The following CTNNA3 variants were observed in gnomAD, a reference collection of about 807,000 sequenced individuals.
CTNNA3 encodes the protein catenin alpha 3.
A neutral mutation model predicts 95.7 loss-of-function variants in CTNNA3; 76 were observed. The ratio of observed to expected loss-of-function variants is 0.79; its 90% CI spans 0.66 to 0.96. The LOEUF (loss-of-function observed/expected upper bound fraction) is 0.96. CTNNA3 is among the 40% of genes least tolerant of loss of function. The pLI is 0.00. For missense variants in CTNNA3, 1,191 were observed against 1,089.8 expected, an observed-to-expected ratio of 1.09 and a Z score of -1.31; for synonymous variants, 431 against 374.4, an observed-to-expected ratio of 1.15 and a Z score of -1.74.
intron 1 of CTNNA3, among the ~76,000 whole-genome samples, chr10:67,701,401 A>G (rs1489065111): frequency 6.6e-6 from 1 of 152,222 alleles, no homozygotes; most frequent in Admixed American, 6.5e-5. Flanking sequence ...CACAAAGGGA[A>G]GTCCATCAGA....
intron 5 of CTNNA3, among the ~76,000 whole-genome samples, chr10:67,300,133 GC>G (rs1840207552): frequency 6.6e-6 from 1 of 152,104 alleles, no homozygotes; most frequent in Non-Finnish European, 1.5e-5. Flanking sequence ...GTTTTAGCAA[GC>G]CCCCAACATA....
At chr10:66,796,030 T>C (rs183613507) in intron 7 of CTNNA3, among the ~76,000 whole-genome samples, 2 of 152,240 alleles carry the variant, frequency 1.3e-5, no homozygotes, top group Admixed American at 1.3e-4. Flanking sequence ...TCTAAAACTG[T>C]CCTCATATCA....
chr10:66,200,229 G>A (rs953603596), intron 13 of CTNNA3, among the ~76,000 whole-genome samples: 1 of 140,666 alleles, frequency 7.1e-6, no homozygotes, highest in African/African-American at 2.6e-5. Context: ...GGAAGGGAAG[G>A]TAAGGGAAGG....
At chr10:66,475,404 A>G (rs1839287772) in intron 11 of CTNNA3, among the ~76,000 whole-genome samples, 1 of 152,022 alleles carries the variant, frequency 6.6e-6, no homozygotes, top group Non-Finnish European at 1.5e-5. Context: ...TAGACTCTGG[A>G]TATTAGACCT....
At chr10:66,277,508 G>A (rs2091420400) in intron 13 of CTNNA3, among the ~76,000 whole-genome samples, 1 of 152,098 alleles carries the variant, frequency 6.6e-6, no homozygotes, top group Non-Finnish European at 1.5e-5. Flanking sequence ...GATTATACCA[G>A]ATCAAGTTTA....
At chr10:66,148,644 G>A (rs189866262) in intron 13 of CTNNA3, among the ~76,000 whole-genome samples, 1 of 152,156 alleles carries the variant, frequency 6.6e-6, no homozygotes, top group Non-Finnish European at 1.5e-5. Context: ...GAAGCAGGGA[G>A]AGAGCCCTCA....
chr10:66,852,590 A>C (rs1374011126), intron 7 of CTNNA3, among the ~76,000 whole-genome samples: 1 of 152,190 alleles, frequency 6.6e-6, no homozygotes, highest in East Asian at 1.9e-4. Flanking sequence ...TTGCAGTGAC[A>C]TAATATAAGC....
At chr10:66,875,571 A>T (rs1277930711) in intron 7 of CTNNA3, among the ~76,000 whole-genome samples, 1 of 152,128 alleles carries the variant, frequency 6.6e-6, no homozygotes, top group African/African-American at 2.4e-5. Flanking sequence ...TCAATCCAAC[A>T]TCTTAATTAT....
At chr10:67,731,718 C>T (rs1589584019) in intron 1 of CTNNA3, among the ~76,000 whole-genome samples, 1 of 146,764 alleles carries the variant, frequency 6.8e-6, no homozygotes, top group African/African-American at 2.5e-5. Flanking sequence ...AGGAAAATGG[C>T]GTGAACCCGG....
chr10:66,538,685 T>G (rs1841741803), intron 10 of CTNNA3, among the ~76,000 whole-genome samples: 1 of 152,178 alleles, frequency 6.6e-6, no homozygotes, highest in African/African-American at 2.4e-5. Context: ...GACTAACCAT[T>G]GAAAGCATGA....
intron 7 of CTNNA3, among the ~76,000 whole-genome samples, chr10:67,133,558 G>T (rs557838772): frequency 1.3e-5 from 2 of 151,622 alleles, no homozygotes; most frequent in South Asian, 2.1e-4. Context: ...CCATTGCTGA[G>T]AATTATGCCA....
intron 9 of CTNNA3, among the ~76,000 whole-genome samples, chr10:66,712,585 C>G (rs1249334089): frequency 1.3e-5 from 2 of 151,632 alleles, no homozygotes; most frequent in Non-Finnish European, 2.9e-5. Flanking sequence ...CGCTCTCACT[C>G]TCTCTCCCTC....
intron 7 of CTNNA3, among the ~76,000 whole-genome samples, chr10:67,048,800 A>T (rs1287520133): frequency 1.3e-5 from 2 of 152,088 alleles, no homozygotes; most frequent in African/African-American, 4.8e-5. Flanking sequence ...CAAGTATTAT[A>T]TCTCATAACA....
rs374450104 is a variant in CTNNA3 at position 65,966,690 on chromosome 10, G to C, written c.2322C>G (p.Phe774Leu). 4 of 1,613,538 alleles carry C rather than the reference G, an allele frequency of 2.5e-6. No homozygotes were observed. In the African/African-American group the frequency reaches 4.0e-5, roughly 16 times the overall value. The change falls in exon 17 of 18, where the codon TTC becomes TTG. Residue 774 changes from phenylalanine to leucine, a missense_variant. Transcript: ENST00000433211. ...DLLAYLEQIK[F>L]YSHQLKICSQ... Reference sequence around the variant, plus strand: ...TGCAGATTTTCAGTTGGTGGGAGTAGAACTTAATCTGTTCCAGGTAGGCCA... The same window carrying C: ...TGCAGATTTTCAGTTGGTGGGAGTACAACTTAATCTGTTCCAGGTAGGCCA...
At chr10:66,834,225 T>C (rs1842819269) in intron 7 of CTNNA3, among the ~76,000 whole-genome samples, 1 of 152,186 alleles carries the variant, frequency 6.6e-6, no homozygotes. Flanking sequence ...AGCTATTAAG[T>C]AGATAATCAG....
intron 10 of CTNNA3, among the ~76,000 whole-genome samples, chr10:66,599,965 T>C (rs938784510): frequency 1.3e-5 from 2 of 151,976 alleles, no homozygotes; most frequent in Non-Finnish European, 2.9e-5. Flanking sequence ...TTATTCATTT[T>C]TAGCTAATAA....
At chr10:66,117,373 A>G (rs536655697) in intron 13 of CTNNA3, among the ~76,000 whole-genome samples, 4 of 152,330 alleles carry the variant, frequency 2.6e-5, no homozygotes, top group African/African-American at 9.6e-5. Context: ...ATAATATAGT[A>G]TAGCTGAAGT....
chr10:66,224,381 A>T (rs1322463167), intron 13 of CTNNA3, among the ~76,000 whole-genome samples: 1 of 152,172 alleles, frequency 6.6e-6, no homozygotes, highest in African/African-American at 2.4e-5. Flanking sequence ...ACGCTTTTCC[A>T]CCACACCAGG....
chr10:66,124,204 T>C (rs1207132443), intron 13 of CTNNA3, among the ~76,000 whole-genome samples: 1 of 152,196 alleles, frequency 6.6e-6, no homozygotes, highest in Non-Finnish European at 1.5e-5. Context: ...AAATTTCTTC[T>C]GCCAGATACC....
Sources: gnomAD v4.1 joint callset for allele counts (sites outside exome capture counted in the v4.1 genomes callset) on GRCh38, gnomAD v4.1.1 for gene constraint, MANE v1.5 for transcripts, NCBI Gene and HGNC (gene_info 2026-07-23, HGNC 2026-07-21) for gene names.